Variants in NEMP2 observed in about 807,000 individuals in gnomAD.
The protein encoded by NEMP2 is UPF0571 transmembrane protein.
Under a neutral mutation model 54.2 loss-of-function variants are expected in NEMP2, and 53 were observed. The observed-to-expected ratio is 0.98, with a 90% CI of 0.78 to 1.23. NEMP2 has a LOEUF of 1.23. NEMP2 is among the 50% of genes most tolerant of loss of function. The pLI, the probability that NEMP2 is intolerant of heterozygous loss-of-function variation, is 0.00. For missense variants in NEMP2, 455 were observed against 511.3 expected (o/e 0.89, Z 1.06); for synonymous variants, 197 against 190.3 (o/e 1.04, Z -0.29).
the NEMP2 span, among the ~76,000 whole-genome samples, chr2:190,440,392 A>G: frequency 6.6e-6 from 1 of 152,216 alleles, no homozygotes; most frequent in East Asian, 1.9e-4. Context: ...TCAGGCAAAT[A>G]GGATAATAAT....
chr2:190,608,423 T>C, the NEMP2 span: 34 of 152,192 alleles, frequency 2.2e-4, no homozygotes, highest in African/African-American at 7.7e-4. The surrounding 1 kb of genome is among the most constrained non-coding windows in gnomAD (Gnocchi z 4.9). Flanking sequence ...AAGAAAAATA[T>C]ATTTGTGCTG....
chr2:190,431,166 T>A, the NEMP2 span, among the ~76,000 whole-genome samples: 1 of 150,428 alleles, frequency 6.6e-6, no homozygotes, highest in Non-Finnish European at 1.5e-5. This position sits in a 1 kb window ranked among gnomAD's most constrained non-coding sequence, Gnocchi z 4.4. Flanking sequence ...GCAGAGACGC[T>A]CCTCACTTCC....
the NEMP2 span, chr2:190,629,750 C>A: frequency 6.6e-6 from 1 of 152,242 alleles, no homozygotes; most frequent in Non-Finnish European, 1.5e-5. Context: ...GTTCCACTTA[C>A]ACAATTCTGA....
At chr2:190,641,126 A>ATT in the NEMP2 span, 1 of 9,976 alleles carries the variant, frequency 1.0e-4, no homozygotes, top group South Asian at 0.01. Flanking sequence ...TTTTCTTTCC[A>ATT]TTTTTTTTAG....
the NEMP2 span, among the ~76,000 whole-genome samples, chr2:190,545,166 T>G: frequency 6.6e-6 from 1 of 152,028 alleles, no homozygotes; most frequent in African/African-American, 2.4e-5. Flanking sequence ...AGTTAGTAGG[T>G]TTAGGATTAC....
the NEMP2 span, among the ~76,000 whole-genome samples, chr2:190,448,846 C>CT: frequency 6.6e-6 from 1 of 152,038 alleles, no homozygotes; most frequent in Non-Finnish European, 1.5e-5. Flanking sequence ...CAGTCTCTAC[C>CT]TTTTTTTGGT....
the NEMP2 span, among the ~76,000 whole-genome samples, chr2:190,646,041 C>T: frequency 6.6e-6 from 1 of 152,206 alleles, no homozygotes; most frequent in African/African-American, 2.4e-5. Flanking sequence ...ACAAGCTGTA[C>T]TGAATAAATG....
At chr2:190,555,059 A>C in the NEMP2 span, among the ~76,000 whole-genome samples, 1 of 152,252 alleles carries the variant, frequency 6.6e-6, no homozygotes, top group African/African-American at 2.4e-5. This position sits in a 1 kb window ranked among gnomAD's most constrained non-coding sequence, Gnocchi z 4.8. Context: ...AAGCTCCAGC[A>C]GACCTGCAGC....
At chr2:190,440,321 A>G in the NEMP2 span, among the ~76,000 whole-genome samples, 1 of 152,202 alleles carries the variant, frequency 6.6e-6, no homozygotes, top group African/African-American at 2.4e-5. Flanking sequence ...ACACACACAC[A>G]TAGAGTATCT....
the NEMP2 span, among the ~76,000 whole-genome samples, chr2:190,613,508 A>G: frequency 1.3e-5 from 2 of 152,234 alleles, no homozygotes; most frequent in African/African-American, 4.8e-5. Context: ...GACAGAGCTA[A>G]GTACAAAGTT....
chr2:190,436,675 A>G, the NEMP2 span: 5 of 1,614,224 alleles, frequency 3.1e-6, no homozygotes, highest in Admixed American at 3.3e-5. The surrounding 1 kb of genome is among the most constrained non-coding windows in gnomAD (Gnocchi z 5.3). Context: ...TACTTTGCCA[A>G]CAGCTCCAAA....
At chr2:190,459,553 A>G in the NEMP2 span, among the ~76,000 whole-genome samples, 1 of 152,210 alleles carries the variant, frequency 6.6e-6, no homozygotes, top group African/African-American at 2.4e-5. The surrounding 1 kb of genome is among the most constrained non-coding windows in gnomAD (Gnocchi z 5.3). Context: ...GTGTCTTCTA[A>G]GTGGTTGGGT....
rs1262026271 is a variant in NEMP2 at position 190,512,547 on chromosome 2, T to A, written c.953+1906A>T. On this transcript the variant is annotated intron_variant, in intron 7 of 8. Coordinates refer to ENST00000409150, the MANE Select transcript of NEMP2 (RefSeq NM_001142645.2). The surrounding 1 kb of genome is among the most constrained non-coding windows in gnomAD (Gnocchi z 4.5). ...CTAGCAAAATTTTAAGTTGAGGAAG[T>A]TATAGTACATTTTGATTATTATAGA... 2.0e-5 allele frequency among the ~76,000 whole-genome samples: 3 copies of A among 152,182 alleles called. No homozygotes were observed. Among genetic ancestry groups the A allele is most frequent in the Admixed American group, 2.0e-4 (3 of 15,276 alleles).
the NEMP2 span, among the ~76,000 whole-genome samples, chr2:190,642,829 T>C: frequency 6.6e-6 from 1 of 152,122 alleles, no homozygotes; most frequent in African/African-American, 2.4e-5. This position sits in a 1 kb window ranked among gnomAD's most constrained non-coding sequence, Gnocchi z 4.1. Flanking sequence ...TCCTCTCCTC[T>C]AAGAACATTT....
chr2:190,436,908 A>G, the NEMP2 span: 2 of 1,614,228 alleles, frequency 1.2e-6, no homozygotes, highest in South Asian at 2.2e-5. The surrounding 1 kb of genome is among the most constrained non-coding windows in gnomAD (Gnocchi z 5.3). Context: ...TGATCTTGGT[A>G]GTTGTCATAA....
At chr2:190,473,789 T>C in the NEMP2 span, among the ~76,000 whole-genome samples, 23 of 151,802 alleles carry the variant, frequency 1.5e-4, no homozygotes, top group African/African-American at 5.5e-4. Flanking sequence ...ACCACACCTA[T>C]TCCAAAATTG....
At chr2:190,501,418 A>T (rs1287594606), downstream of NEMP2, 3 of 152,246 alleles carry the variant, frequency 2.0e-5, no homozygotes, top group Non-Finnish European at 4.4e-5. Context: ...AGCCAGAACA[A>T]TGGCTGGGTG....
the NEMP2 span, among the ~76,000 whole-genome samples, chr2:190,463,015 G>T: frequency 6.6e-6 from 1 of 152,132 alleles, no homozygotes; most frequent in Non-Finnish European, 1.5e-5. The surrounding 1 kb of genome is among the most constrained non-coding windows in gnomAD (Gnocchi z 4.4). Context: ...AGCCAGTCCT[G>T]GAGTGGGACA....
chr2:190,560,949 A>C, the NEMP2 span, among the ~76,000 whole-genome samples: 3 of 152,242 alleles, frequency 2.0e-5, no homozygotes, highest in East Asian at 5.8e-4. The surrounding 1 kb of genome is among the most constrained non-coding windows in gnomAD (Gnocchi z 5.4). Flanking sequence ...TATATCTAAC[A>C]TCAGAAATCA....
Sources: allele counts gnomAD v4.1 joint callset (sites outside exome capture counted in the v4.1 genomes callset), GRCh38; gene constraint gnomAD v4.1.1; non-coding constraint Gnocchi (gnomAD v3.1); transcripts MANE v1.5; gene names NCBI Gene and HGNC (gene_info 2026-07-23, HGNC 2026-07-21).